The following IPO4 variants were observed in gnomAD, a reference collection of about 807,000 sequenced individuals.
IPO4 encodes importin-4.
Under a neutral mutation model 133.5 loss-of-function variants are expected in IPO4, and 91 were observed. The ratio of observed to expected loss-of-function variants is 0.68; its 90% CI spans 0.58 to 0.81. The LOEUF (loss-of-function observed/expected upper bound fraction) is 0.81, where lower values mean the gene tolerates loss of function less well. Among genes scored for constraint, IPO4 ranks in the 30% least tolerant of loss-of-function variants. The probability of loss-of-function intolerance (pLI) is 0.00; values close to 1 mark genes in which losing one functional copy is unlikely to be tolerated. For missense variants in IPO4, 1,279 were observed against 1,386.2 expected, an observed-to-expected ratio of 0.92 and a Z score of 1.23; for synonymous variants, 607 against 581.6, an observed-to-expected ratio of 1.04 and a Z score of -0.63.
In IPO4 at chr14:24,180,302, C is replaced by G. The variant is rs1156463663; in HGVS notation, c.*140G>C. The G allele has an allele frequency of 1.3e-6, 2 of 1,510,036 alleles. No homozygotes were observed. The highest frequency in any genetic ancestry group is 1.3e-5 in the South Asian group (1 of 79,762). The allele number at this position is 1,510,036 out of a possible 1,614,324, so 93.5% of individuals were successfully genotyped here. On this transcript the variant is annotated 3_prime_UTR_variant, in exon 30 of 30. Transcript: ENST00000354464. ...TAACAGATCCAGCCTCAGGGACAGC[C>G]CTGTAAGGCAGCAAGTGGGGCTGGC...
chr14:24,180,856 G>A, intron 28 of IPO4, 98 bp from the exon 29 acceptor site: 3 of 965,986 alleles, frequency 3.1e-6, no homozygotes, highest in Middle Eastern at 3.1e-4. Context: ...TTATCAGGGG[G>A]GTGGTTGCAC....
intron 9 of IPO4, 104 bp downstream of exon 9, chr14:24,186,604 C>A (rs1400962936): frequency 1.5e-6 from 2 of 1,357,056 alleles, no homozygotes; most frequent in Non-Finnish European, 2.1e-6. Flanking sequence ...AGGCTTGAAC[C>A]CCCACAGTAC....
At position 24,187,111 on chromosome 14, in the gene IPO4, T is replaced by C. The variant is rs767878212; in HGVS notation, c.628A>G (p.Met210Val). Residue 210 changes from methionine (M) to valine (V), a missense_variant, in exon 7 of 30, where the codon ATG (methionine) becomes GTG (valine). Around this residue, in one of 3 missense-constraint regions of IPO4, gnomAD observed 695 missense variants for 704.1 expected, o/e 0.99. Transcript: ENST00000354464. The stretch of plus-strand genomic sequence containing the variant: ...TCATCTATGGGGATCAGAGTCTGCA[T>C]GGCCATGATCAGCTTGGGCACCAAC... ...RMLVPKLIMA[M>V]QTLIPIDEAK... 1.9e-6 allele frequency: 3 copies of C among 1,614,004 alleles called. No individual in the cohort carries two copies. The highest frequency in any genetic ancestry group is 2.5e-6 in the Non-Finnish European group (3 of 1,179,916).
intron 6 of IPO4, 69 bp from the exon 7 acceptor site, chr14:24,187,219 C>T (rs2039236185): frequency 1.9e-6 from 3 of 1,565,256 alleles, no homozygotes; most frequent in Non-Finnish European, 2.6e-6. Flanking sequence ...AGCTTCCTCA[C>T]AGCCTGAATT....
Position 24,184,281 on chromosome 14 carries a change from G to T in IPO4, c.1757+17C>A, listed in dbSNP as rs776581749. On this transcript the variant is annotated intron_variant, in intron 17 of 29. Coordinates refer to ENST00000354464, the MANE Select transcript of IPO4 (RefSeq NM_024658.4). ...GGGGAGGGGACAAGGGCAGAGGCAG[G>T]GTGAGGGGTCACTCACGTGCAGCGC... 1.1e-5 allele frequency: 17 copies of T among 1,578,874 alleles called. No homozygotes were observed. In the Admixed American group the frequency reaches 1.1e-4, roughly 10 times the overall value.
intron 21 of IPO4, 31 bp downstream of exon 21, chr14:24,183,425 C>T (rs1432213862): frequency 1.9e-6 from 3 of 1,600,044 alleles, no homozygotes; most frequent in African/African-American, 1.3e-5. Context: ...AGCCTGAGAA[C>T]CCCACCCACT....
rs1394280484 is a variant in IPO4 at position 24,181,540 on chromosome 14, G to A, written c.3018C>T (p.Ser1006=). The change falls in exon 28 of 30, where the codon AGC becomes AGT. Residue 1006 remains serine, a synonymous_variant. Coordinates refer to ENST00000354464, the MANE Select transcript of IPO4 (RefSeq NM_024658.4). Reference sequence around the variant, plus strand: ...GGTCAGGGCTGCTCTGGTACAGGAAGCTGAAGAGGCGCCCAATGGTGACCC... The same window carrying A: ...GGTCAGGGCTGCTCTGGTACAGGAAACTGAAGAGGCGCCCAATGGTGACCC... ...EEWVTIGRLF[S]FLYQSSPDQV... 6.3e-7 allele frequency: 1 copy of A among 1,580,870 alleles called. No homozygotes were observed.
At position 24,184,317 on chromosome 14, in the gene IPO4, G is replaced by T. The variant is rs11550452; in HGVS notation, c.1738C>A (p.Pro580Thr). 1.3e-6 allele frequency: 2 copies of T among 1,583,598 alleles called. No homozygotes were observed. Among genetic ancestry groups the T allele is most frequent in the Middle Eastern group, 1.7e-4 (1 of 5,894 alleles). The change falls in exon 17 of 30, where the codon CCT becomes ACT. Residue 580 changes from proline to threonine, a missense_variant. Coordinates refer to ENST00000354464, the MANE Select transcript of IPO4 (RefSeq NM_024658.4). ...ACTCACGTGCAGCGCCGCAAGTCAG[G>T]GTCGTCTACCTGGTCGCAGAGGCCC... ...GLGLCDQVDD[P>T]DLRRCTYSLF...
chr14:24,184,282 G>A lies in IPO4; in HGVS notation c.1757+16C>T, dbSNP rs761947629. ...GGGAGGGGACAAGGGCAGAGGCAGG[G>A]TGAGGGGTCACTCACGTGCAGCGCC... On this transcript the variant is annotated intron_variant, in intron 17 of 29. Transcript: ENST00000354464. The A allele has an allele frequency of 6.3e-7, 1 of 1,579,296 alleles. No homozygotes were observed. Among genetic ancestry groups the A allele is most frequent in the South Asian group, 1.2e-5 (1 of 86,874 alleles).
At position 24,188,602 on chromosome 14, in the gene IPO4, C is replaced by A. The variant is rs757837163; in HGVS notation, c.106G>T (p.Ala36Ser). Residue 36 changes from alanine to serine, a missense_variant, in exon 2 of 30, where the codon GCC (alanine) becomes TCC (serine). Physicochemically the swap from Ala to Ser is moderately conservative, Grantham distance 99. Transcript: ENST00000354464. ...EQLQIVLRAP[A>S]ALPALCDLLA... Reference sequence around the variant, plus strand: ...AGGTCGCAGAGAGCCGGCAAAGCGGCGGGGGCCCGAAGAACGATCTGGAGC... The same window carrying A: ...AGGTCGCAGAGAGCCGGCAAAGCGGAGGGGGCCCGAAGAACGATCTGGAGC... 1 of 1,612,026 alleles carries A rather than the reference C, an allele frequency of 6.2e-7. No homozygotes were observed. Among genetic ancestry groups the A allele is most frequent in the Non-Finnish European group, 8.5e-7 (1 of 1,179,330 alleles).
chr14:24,188,673 C>G, intron 1 of IPO4, 35 bp from the exon 2 acceptor site: 2 of 1,599,992 alleles, frequency 1.3e-6, no homozygotes, highest in Non-Finnish European at 1.7e-6. Flanking sequence ...TTGGGCCTTT[C>G]CCGCAACCTC....
In IPO4 at chr14:24,187,110, A is replaced by G; in HGVS notation, c.629T>C (p.Met210Thr). The G allele has an allele frequency of 6.2e-7, 1 of 1,614,024 alleles. No homozygotes were observed. ...RMLVPKLIMA[M>T]QTLIPIDEAK... Reference sequence around the variant, plus strand: ...CTCATCTATGGGGATCAGAGTCTGCATGGCCATGATCAGCTTGGGCACCAA... The same window carrying G: ...CTCATCTATGGGGATCAGAGTCTGCGTGGCCATGATCAGCTTGGGCACCAA... Residue 210 changes from methionine to threonine, a missense_variant, in exon 7 of 30, where the codon ATG becomes ACG. This residue lies in a region of IPO4 where 695 missense variants were observed against 704.1 expected (regional missense o/e 0.99). Transcript: ENST00000354464.
chr14:24,181,555 A>T lies in IPO4; in HGVS notation c.3003T>A (p.Ile1001=). 1 of 1,601,784 alleles carries T rather than the reference A, an allele frequency of 6.2e-7. No individual in the cohort carries two copies. Among genetic ancestry groups the T allele is most frequent in the Non-Finnish European group, 8.5e-7 (1 of 1,174,210 alleles). Residue 1001 remains isoleucine (I), a synonymous_variant, in exon 28 of 30, where the codon ATT becomes ATA. Coordinates refer to ENST00000354464, the MANE Select transcript of IPO4 (RefSeq NM_024658.4). Reference sequence around the variant, plus strand: ...GGTACAGGAAGCTGAAGAGGCGCCCAATGGTGACCCACTCCTCCAAGTCCT... The same window carrying T: ...GGTACAGGAAGCTGAAGAGGCGCCCTATGGTGACCCACTCCTCCAAGTCCT... ...LKEDLEEWVT[I]GRLFSFLYQS...
chr14:24,187,537 C>G lies in IPO4; in HGVS notation c.451G>C (p.Glu151Gln). The change falls in exon 6 of 30, where the codon GAG (glutamate) becomes CAG (glutamine). Residue 151 changes from glutamate (E) to glutamine (Q), a missense_variant. By Grantham distance (29) the Glu-to-Gln change is conservative. Transcript: ENST00000354464. ...LLSVVVTSRP[E>Q]AFQPHHRELL... The stretch of plus-strand genomic sequence containing the variant: ...TCCCGGTGGTGGGGTTGGAAGGCCT[C>G]GGGCCGGGAGGTCACCACCACACTT... 1.2e-6 allele frequency: 2 copies of G among 1,614,110 alleles called. No individual in the cohort carries two copies. Among genetic ancestry groups the G allele is most frequent in the Admixed American group, 1.7e-5 (1 of 60,026 alleles).
chr14:24,186,872 G>C lies in IPO4; in HGVS notation c.756+6C>G. 1 of 1,613,184 alleles carries C rather than the reference G, an allele frequency of 6.2e-7. No individual in the cohort carries two copies. The highest frequency in any genetic ancestry group is 2.2e-5 in the East Asian group (1 of 44,876). On this transcript the variant is annotated splice_donor_region_variant and intron_variant, in intron 8 of 29. Transcript: ENST00000354464. ...GTAGCAGGGGCCATGTCCACTCCAGGCTCACCTCCAGGCAGAATGTGAGGA... is the reference window on the plus strand; with the variant it reads ...GTAGCAGGGGCCATGTCCACTCCAGCCTCACCTCCAGGCAGAATGTGAGGA...
In IPO4 at chr14:24,181,564, C is replaced by A; in HGVS notation, c.2994G>T (p.Trp998Cys). ...ALPLKEDLEE[W>C]VTIGRLFSFL... is the part of the protein sequence containing the mutation. The stretch of plus-strand genomic sequence containing the variant: ...AGCTGAAGAGGCGCCCAATGGTGAC[C>A]CACTCCTCCAAGTCCTCCTTCAGTG... Residue 998 changes from tryptophan to cysteine, a missense_variant, in exon 28 of 30, where the codon TGG becomes TGT. By Grantham distance (215) the Trp-to-Cys change is radical. This residue lies in a region of IPO4 where 575 missense variants were observed against 653.4 expected (regional missense o/e 0.88). Coordinates refer to ENST00000354464, the MANE Select transcript of IPO4 (RefSeq NM_024658.4). The A allele has an allele frequency of 6.2e-7, 1 of 1,607,678 alleles. No homozygotes were observed. The highest frequency in any genetic ancestry group is 8.5e-7 in the Non-Finnish European group (1 of 1,177,118).
Position 24,188,200 on chromosome 14 carries a change from G to T in IPO4, c.278+16C>A, listed in dbSNP as rs765546831. ...CAAAGTCGTCAAGATCCCGAGAGAA[G>T]TGGGTAGGTACTTACTCTGTTTCTC... On this transcript the variant is annotated intron_variant, in intron 4 of 29. Coordinates refer to ENST00000354464, the MANE Select transcript of IPO4 (RefSeq NM_024658.4). 1 of 1,611,612 alleles carries T rather than the reference G, an allele frequency of 6.2e-7. No individual in the cohort carries two copies. Among genetic ancestry groups the T allele is most frequent in the East Asian group, 2.2e-5 (1 of 44,828 alleles).
In IPO4 at chr14:24,181,626, A is replaced by G. The variant is rs937705958; in HGVS notation, c.2941-9T>C. Reference sequence around the variant, plus strand: ...AGTAGGGCAGCCAGCACCTGGGCACACAAATGTCTCAGGCCAACCTGCCCT... The same window carrying G: ...AGTAGGGCAGCCAGCACCTGGGCACGCAAATGTCTCAGGCCAACCTGCCCT... On this transcript the variant is annotated splice_polypyrimidine_tract_variant and intron_variant, in intron 27 of 29. Coordinates refer to ENST00000354464, the MANE Select transcript of IPO4 (RefSeq NM_024658.4). The G allele has an allele frequency of 3.1e-6, 5 of 1,613,932 alleles. No individual in the cohort carries two copies. Among genetic ancestry groups the G allele is most frequent in the African/African-American group, 2.7e-5 (2 of 74,928 alleles).
chr14:24,182,771 G>A (rs760218024), intron 24 of IPO4, 21 bp downstream of exon 24: 15 of 1,613,920 alleles, frequency 9.3e-6, no homozygotes, highest in Middle Eastern at 1.7e-4. Flanking sequence ...CCTGGTCCCC[G>A]TTTTTATCCC....
Sources: gnomAD v4.1 joint callset for allele counts on GRCh38, gnomAD v4.1.1 for gene constraint, gnomAD v4.1.1 regional missense constraint, MANE v1.5 for transcripts, NCBI Gene and HGNC (gene_info 2026-07-23, HGNC 2026-07-21) for gene names.